The following NLN variants were observed in gnomAD, a reference collection of about 807,000 sequenced individuals.
NLN encodes the protein neurolysin, mitochondrial.
NLN carries 64 observed loss-of-function variants against 79.9 expected under a neutral mutation model. The ratio of observed to expected loss-of-function variants is 0.80; its 90% CI spans 0.65 to 0.99. The LOEUF is 0.99. NLN is among the 50% of genes least tolerant of loss of function. The pLI is 0.00. For missense variants in NLN, 835 were observed against 858.7 expected (o/e 0.97, Z 0.34); for synonymous variants, 267 against 296.6 (o/e 0.90, Z 1.02).
In NLN at chr5:65,773,284, A is replaced by G. The variant is rs559171044; in HGVS notation, c.451-4143A>G. Among the ~76,000 whole-genome samples the G allele has an allele frequency of 9.1e-4, 139 of 152,126 alleles. 1 individual carries two copies. The highest frequency in any genetic ancestry group is 8.1e-4 in the Non-Finnish European group (55 of 67,996). ...GTAGCTAAGACTACAAGCTTGCACC[A>G]CCATCTCCAGCTAATTTTTGTGTTT... On this transcript the variant is annotated intron_variant, in intron 3 of 12. Transcript: ENST00000380985.
intron 7 of NLN, among the ~76,000 whole-genome samples, chr5:65,787,558 G>A (rs1759957682): frequency 1.3e-5 from 2 of 152,126 alleles, no homozygotes; most frequent in Non-Finnish European, 2.9e-5. Flanking sequence ...ATTGACCACA[G>A]CAATATAATT....
intron 9 of NLN, among the ~76,000 whole-genome samples, chr5:65,796,985 G>A (rs758484470): frequency 3.9e-5 from 6 of 152,206 alleles, no homozygotes; most frequent in African/African-American, 7.2e-5. Context: ...AGAACATCCC[G>A]TTTTCAAACA....
chr5:65,766,446 G>A (rs1340640497), intron 3 of NLN, among the ~76,000 whole-genome samples: 2 of 152,196 alleles, frequency 1.3e-5, no homozygotes, highest in African/African-American at 2.4e-5. Context: ...TCACCATCAC[G>A]AGAACAGCAT....
At chr5:65,798,920 A>C (rs1459089848) in intron 9 of NLN, among the ~76,000 whole-genome samples, 1 of 152,100 alleles carries the variant, frequency 6.6e-6, no homozygotes, top group East Asian at 1.9e-4. Context: ...TCACTCTGTC[A>C]CTCAGGCTGG....
rs765914709 is a variant in NLN at position 65,792,598 on chromosome 5, CGAGGT to C, written c.1475_1479del (p.Val492AspfsTer5). The C allele has an allele frequency of 3.1e-6, 5 of 1,613,814 alleles. No individual in the cohort carries two copies. In the African/African-American group the frequency reaches 6.7e-5, roughly 22 times the overall value. ...GTCGTCCCTCTCTCCTGAGACACGA[CGAGGT>C]GAGGACTTACTTTCATGAGTTTGGT... On this transcript the variant is annotated frameshift_variant, in exon 9 of 13. Coordinates refer to ENST00000380985, the MANE Select transcript of NLN (RefSeq NM_020726.5). LOFTEE classifies it high-confidence loss of function.
At chr5:65,771,368 AT>A (rs1171227671) in intron 3 of NLN, among the ~76,000 whole-genome samples, 1 of 152,180 alleles carries the variant, frequency 6.6e-6, no homozygotes, top group Non-Finnish European at 1.5e-5. Flanking sequence ...CTTTCCAGCC[AT>A]TTTGGCGAGA....
chr5:65,773,600 A>G (rs934525713), intron 3 of NLN, among the ~76,000 whole-genome samples: 4 of 152,176 alleles, frequency 2.6e-5, no homozygotes, highest in African/African-American at 9.7e-5. Context: ...GTGAAGAAAA[A>G]GACAAAGTCA....
In NLN at chr5:65,772,053, G is replaced by T. The variant is rs1027815229; in HGVS notation, c.451-5374G>T. On this transcript the variant is annotated intron_variant, in intron 3 of 12. Transcript: ENST00000380985. ...TTGATTTTTGAAATATGTAAGTGTA[G>T]TCATTGGTCATAATCAATACTACTA... Among the ~76,000 whole-genome samples the T allele has an allele frequency of 2.0e-5, 3 of 150,060 alleles. No individual in the cohort carries two copies. The South Asian group carries it at 6.3e-4, about 32-fold the overall frequency.
chr5:65,828,843 CTG>C lies in NLN; in HGVS notation c.*5929_*5930del, dbSNP rs1452637944. 1 of 152,156 alleles carries C rather than the reference CTG, an allele frequency of 6.6e-6. No individual in the cohort carries two copies. 9.4% of individuals were successfully genotyped at this position (152,156 alleles called of 1,614,324 possible). The stretch of plus-strand genomic sequence containing the variant: ...AACGTTCACAGGCTGGCTCTGAAAA[CTG>C]GCATTCAGATGATTGCGGCTCCCCC... On this transcript the variant is annotated 3_prime_UTR_variant, in exon 13 of 13. Transcript: ENST00000380985.
At chr5:65,808,584 C>T (rs1436668609) in intron 9 of NLN, among the ~76,000 whole-genome samples, 1 of 152,226 alleles carries the variant, frequency 6.6e-6, no homozygotes, top group Non-Finnish European at 1.5e-5. Flanking sequence ...TTTAGTGAAT[C>T]TCTGTTTTTC....
In NLN at chr5:65,825,403, T is replaced by G. The variant is rs1051085092; in HGVS notation, c.*2488T>G. ...TTTAGGCCTCTTTCGGGTTTTTTGTTTTTTTTTTAGGCATTGTTATGTTGT... is the reference window on the plus strand; with the variant it reads ...TTTAGGCCTCTTTCGGGTTTTTTGTGTTTTTTTTAGGCATTGTTATGTTGT... On this transcript the variant is annotated 3_prime_UTR_variant, in exon 13 of 13. Coordinates refer to ENST00000380985, the MANE Select transcript of NLN (RefSeq NM_020726.5). The G allele has an allele frequency of 1.3e-5, 2 of 151,214 alleles. No individual in the cohort carries two copies. Among genetic ancestry groups the G allele is most frequent in the African/African-American group, 2.4e-5 (1 of 41,118 alleles). 9.4% of individuals were successfully genotyped at this position (151,214 alleles called of 1,614,324 possible).
At position 65,777,460 on chromosome 5, in the gene NLN, G is replaced by T. The variant is rs199806654; in HGVS notation, c.484G>T (p.Ala162Ser). ...TGATCTGGGGAAGATAAAACCTGAG[G>T]CCAGACGATACTTGGAAAAGTCAAT... ...TCDLGKIKPE[A>S]RRYLEKSIKM... Residue 162 changes from alanine (A) to serine (S), a missense_variant, in exon 4 of 13, where the codon GCC (alanine) becomes TCC (serine). Physicochemically the swap from Ala to Ser is moderately conservative, Grantham distance 99. Transcript: ENST00000380985. The T allele has an allele frequency of 1.5e-4, 241 of 1,613,288 alleles. No individual in the cohort carries two copies. Among genetic ancestry groups the T allele is most frequent in the Non-Finnish European group, 2.0e-4 (231 of 1,179,472 alleles).
intron 3 of NLN, among the ~76,000 whole-genome samples, chr5:65,767,114 C>CTCA (rs771681789): frequency 3.9e-5 from 6 of 152,220 alleles, no homozygotes; most frequent in Non-Finnish European, 8.8e-5. Context: ...TAGCCCCCTT[C>CTCA]TCACAACTCC....
chr5:65,744,777 A>G (rs951060817), intron 1 of NLN, among the ~76,000 whole-genome samples: 1 of 152,158 alleles, frequency 6.6e-6, no homozygotes, highest in Non-Finnish European at 1.5e-5. Context: ...CAAGGGGCCA[A>G]GGTGGGAGAA....
chr5:65,752,594 A>C (rs571815094), intron 1 of NLN, among the ~76,000 whole-genome samples: 2 of 152,178 alleles, frequency 1.3e-5, no homozygotes, highest in Non-Finnish European at 2.9e-5. Context: ...ACCCAGGTGC[A>C]GTTCTTTCCA....
At chr5:65,784,551 G>A (rs1759873270) in intron 6 of NLN, among the ~76,000 whole-genome samples, 1 of 152,116 alleles carries the variant, frequency 6.6e-6, no homozygotes, top group Admixed American at 6.6e-5. Context: ...GGCAGAAGGG[G>A]GAAGGGCAGA....
rs1195531198 is a variant in NLN at position 65,823,058 on chromosome 5, T to C, written c.*143T>C. On this transcript the variant is annotated 3_prime_UTR_variant, in exon 13 of 13. Transcript: ENST00000380985. ...TTTTGTTTTCTAATTTTAAAAATTA[T>C]AAAGATGTAAATGGAATTATAAATA... 2.6e-5 allele frequency: 16 copies of C among 611,350 alleles called. No homozygotes were observed. Among genetic ancestry groups the C allele is most frequent in the Non-Finnish European group, 8.6e-6 (3 of 350,248 alleles). The allele number at this position is 611,350 out of a possible 1,614,324, so 37.9% of individuals were successfully genotyped here. A position where few individuals can be genotyped will look rare whatever the true frequency, so the allele number is the denominator to read the frequency against.
intron 2 of NLN, 91 bp from the exon 3 acceptor site, chr5:65,762,869 G>A: frequency 1.6e-6 from 2 of 1,231,348 alleles, no homozygotes; most frequent in Non-Finnish European, 1.1e-6. Flanking sequence ...ACTTTTATTG[G>A]CATGATCATT....
intron 1 of NLN, among the ~76,000 whole-genome samples, chr5:65,729,450 C>A (rs1758556576): frequency 6.9e-6 from 1 of 144,502 alleles, no homozygotes; most frequent in Non-Finnish European, 1.5e-5. Flanking sequence ...TCTTGGATCA[C>A]TGCAACCTCC....
Sources: gnomAD v4.1 joint callset for allele counts (sites outside exome capture counted in the v4.1 genomes callset) on GRCh38, gnomAD v4.1.1 for gene constraint, MANE v1.5 for transcripts, NCBI Gene and HGNC (gene_info 2026-07-23, HGNC 2026-07-21) for gene names.